UBR3: variants seen among roughly 807,000 people sequenced by gnomAD.
UBR3 encodes ubiquitin protein ligase E3 component n-recognin 3.
A neutral mutation model predicts 243.2 loss-of-function variants in UBR3; 85 were observed. The observed-to-expected ratio is 0.35, with a 90% CI of 0.29 to 0.42. The LOEUF is 0.42. Among genes scored for constraint, UBR3 ranks in the 10% least tolerant of loss-of-function variants. The probability of loss-of-function intolerance (pLI) is 1.00; values close to 1 mark genes in which losing one functional copy is unlikely to be tolerated. For synonymous variants in UBR3, 748 were observed against 799.8 expected (o/e 0.94, Z 1.09); for missense variants, 1,686 against 2,300.8 (o/e 0.73, Z 5.47).
At chr2:169,904,352 C>T (rs1019839079) in intron 8 of UBR3, among the ~76,000 whole-genome samples, 1 of 152,146 alleles carries the variant, frequency 6.6e-6, no homozygotes, top group African/African-American at 2.4e-5. Flanking sequence ...GAGCCTTGAG[C>T]ATTCCATGTA....
Position 170,035,873 on chromosome 2 carries a change from C to T in UBR3, c.4557-5009C>T, listed in dbSNP as rs142601868. On this transcript the variant is annotated intron_variant, in intron 31 of 38. Coordinates refer to ENST00000272793, the MANE Select transcript of UBR3 (RefSeq NM_172070.4). ...GTCATTTTCCTTAAATAGATCTTTG[C>T]ATATTTTTTTGCTAGATTTATACCT... Among the ~76,000 whole-genome samples the T allele has an allele frequency of 1.0e-4, 12 of 119,738 alleles. No homozygotes were observed. The East Asian group carries it at 2.9e-3, about 29-fold the overall frequency. 78.6% of individuals were successfully genotyped at this position (119,738 alleles called of 152,430 possible).
intron 31 of UBR3, among the ~76,000 whole-genome samples, chr2:170,032,002 T>C (rs1394838487): frequency 1.3e-5 from 2 of 152,154 alleles, no homozygotes; most frequent in Non-Finnish European, 2.9e-5. Context: ...CATGTGTCTT[T>C]TTGGTAGAAC....
intron 1 of UBR3, among the ~76,000 whole-genome samples, chr2:169,862,033 T>C (rs765079703): frequency 2.6e-5 from 4 of 152,216 alleles, no homozygotes; most frequent in Non-Finnish European, 4.4e-5. Flanking sequence ...TTTGGTTCTA[T>C]TTCTGGACCC....
intron 1 of UBR3, among the ~76,000 whole-genome samples, chr2:169,831,141 T>A (rs1270990646): frequency 0.034 from 3,265 of 96,212 alleles, 126 homozygotes; most frequent in Non-Finnish European, 0.057. Context: ...TTTTTTTTTT[T>A]TTTTTTTTTT....
At chr2:169,981,791 C>A (rs1458793334) in intron 24 of UBR3, among the ~76,000 whole-genome samples, 1 of 151,492 alleles carries the variant, frequency 6.6e-6, no homozygotes, top group East Asian at 1.9e-4. Flanking sequence ...ATCTGCAAAT[C>A]TAAAACTATT....
intron 24 of UBR3, among the ~76,000 whole-genome samples, chr2:169,974,086 G>A (rs2088306674): frequency 6.6e-6 from 1 of 151,218 alleles, no homozygotes; most frequent in Non-Finnish European, 1.5e-5. Flanking sequence ...TCTAGTATGT[G>A]TTAAGGATTT....
intron 25 of UBR3, among the ~76,000 whole-genome samples, chr2:169,987,209 A>G (rs1243606920): frequency 6.6e-6 from 1 of 151,964 alleles, no homozygotes; most frequent in Non-Finnish European, 1.5e-5. Flanking sequence ...CATGGCCAAC[A>G]TGGTGAAACC....
At chr2:170,025,835 A>T (rs2090514575) in intron 30 of UBR3, among the ~76,000 whole-genome samples, 1 of 152,162 alleles carries the variant, frequency 6.6e-6, no homozygotes, top group Non-Finnish European at 1.5e-5. Context: ...CATTCACTCA[A>T]ATAGCAATTA....
intron 29 of UBR3, among the ~76,000 whole-genome samples, chr2:170,010,452 A>T (rs1474503922): frequency 6.6e-6 from 1 of 152,186 alleles, no homozygotes; most frequent in African/African-American, 2.4e-5. Flanking sequence ...GAATGGGAAT[A>T]ATCTGTCATT....
chr2:169,996,844 C>A (rs780530144), intron 26 of UBR3, among the ~76,000 whole-genome samples: 5 of 151,818 alleles, frequency 3.3e-5, no homozygotes, highest in African/African-American at 9.7e-5. Flanking sequence ...GGACTACAGG[C>A]GCCCACCACC....
In UBR3 at chr2:169,827,513, GGCGGCGGCC is replaced by G. The variant is rs746515522; in HGVS notation, c.17_25del (p.Ala6_Ala8del). The G allele has an allele frequency of 2.1e-3, 2,524 of 1,229,744 alleles. 1 individual carries two copies. Among genetic ancestry groups the G allele is most frequent in the Non-Finnish European group, 2.3e-3 (2,253 of 987,360 alleles). The allele number at this position is 1,229,744 out of a possible 1,614,324, so 76.2% of individuals were successfully genotyped here. On this transcript the variant is annotated inframe_deletion, in exon 1 of 39. Transcript: ENST00000272793. Reference sequence around the variant, plus strand: ...CCAAATTCTGAGCTCTCATCATGGCGGCGGCGGCCGCGGCGGCCGTCGGGGGCCAGCAGC... The same window carrying G: ...CCAAATTCTGAGCTCTCATCATGGCGGCGGCGGCCGTCGGGGGCCAGCAGC...
At chr2:169,853,188 C>T (rs2082723830) in intron 1 of UBR3, among the ~76,000 whole-genome samples, 1 of 152,090 alleles carries the variant, frequency 6.6e-6, no homozygotes, top group Non-Finnish European at 1.5e-5. Flanking sequence ...TCCTTAGCTG[C>T]AATACGGAAC....
At chr2:169,899,856 T>A (rs907842886) in intron 8 of UBR3, among the ~76,000 whole-genome samples, 1 of 152,228 alleles carries the variant, frequency 6.6e-6, no homozygotes, top group African/African-American at 2.4e-5. Context: ...TGCAATAGTA[T>A]TCCATGGTGT....
chr2:169,965,118 C>A (rs942946143), intron 24 of UBR3, among the ~76,000 whole-genome samples: 2 of 152,158 alleles, frequency 1.3e-5, no homozygotes, highest in Non-Finnish European at 2.9e-5. Context: ...TTTGAGACCC[C>A]ATTTTCACCC....
chr2:169,972,219 A>G (rs575859356), intron 24 of UBR3, among the ~76,000 whole-genome samples: 1 of 152,338 alleles, frequency 6.6e-6, no homozygotes, highest in East Asian at 1.9e-4. Flanking sequence ...ACCAGGAAGA[A>G]GTTGAATCTC....
chr2:169,889,175 C>T (rs1354748402), intron 5 of UBR3, among the ~76,000 whole-genome samples: 1 of 152,114 alleles, frequency 6.6e-6, no homozygotes, highest in Non-Finnish European at 1.5e-5. Context: ...ATGTTAAGGC[C>T]AACTCAGTGG....
intron 1 of UBR3, among the ~76,000 whole-genome samples, chr2:169,856,091 C>T (rs1188880211): frequency 1.3e-5 from 2 of 150,450 alleles, no homozygotes; most frequent in African/African-American, 2.5e-5. Flanking sequence ...GGCTGCCGGG[C>T]GGAGGGGCTC....
intron 5 of UBR3, among the ~76,000 whole-genome samples, chr2:169,890,836 C>G (rs1181549704): frequency 4.7e-5 from 7 of 149,782 alleles, no homozygotes; most frequent in South Asian, 2.1e-4. Flanking sequence ...TAATCTCTCT[C>G]ATTCCACCCT....
At chr2:169,855,764 G>A (rs2082821649) in intron 1 of UBR3, among the ~76,000 whole-genome samples, 1 of 152,216 alleles carries the variant, frequency 6.6e-6, no homozygotes, top group African/African-American at 2.4e-5. Flanking sequence ...CACAGACACA[G>A]TAACAATCCG....
Sources: allele counts gnomAD v4.1 joint callset (sites outside exome capture counted in the v4.1 genomes callset), GRCh38; gene constraint gnomAD v4.1.1; transcripts MANE v1.5; gene names NCBI Gene and HGNC (gene_info 2026-07-23, HGNC 2026-07-21).